SCAF8: variants seen among roughly 807,000 people sequenced by gnomAD.
SCAF8 encodes the protein SR-related and CTD-associated factor 8.
SCAF8 carries 23 observed loss-of-function variants against 140.5 expected under a neutral mutation model. That is an observed-to-expected ratio of 0.16 (90% CI 0.12 to 0.23). The LOEUF is 0.23. Ranked by LOEUF, SCAF8 falls within the 10% of genes least tolerant of loss-of-function variation. SCAF8 has a pLI of 1.00. For synonymous variants in SCAF8, 575 were observed against 528.9 expected, an observed-to-expected ratio of 1.09 and a Z score of -1.20; for missense variants, 1,397 against 1,555.7, an observed-to-expected ratio of 0.90 and a Z score of 1.72.
At chr6:154,787,830 C>A in intron 3 of SCAF8, 31 bp from the exon 4 acceptor site, 2 of 1,561,352 alleles carry the variant, frequency 1.3e-6, no homozygotes, top group Non-Finnish European at 8.7e-7. Context: ...TTTCCGTTTC[C>A]TTTCCTTTTC....
At chr6:154,812,292 CTTTTT>C (rs759236847) in intron 12 of SCAF8, among the ~76,000 whole-genome samples, 1 of 38,786 alleles carries the variant, frequency 2.6e-5, no homozygotes, top group Non-Finnish European at 4.8e-5. Context: ...TCTATGTCAG[CTTTTT>C]TTTTTTTTTT....
chr6:154,824,322 C>A lies in SCAF8; in HGVS notation c.2015C>A (p.Pro672Gln). ...SMPVPPPGFS[P>Q]IPPPPFLRAS... is the part of the protein sequence containing the mutation. ...CCGGTTCCTCCTCCTGGATTCAGTC[C>A]AATCCCTCCACCTCCTTTTTTAAGA... The change falls in exon 17 of 20, where the codon CCA (proline) becomes CAA (glutamine). Residue 672 changes from proline to glutamine, a missense_variant. Physicochemically the swap from Pro to Gln is moderately conservative, Grantham distance 76. Around this residue, in one of 5 missense-constraint regions of SCAF8, gnomAD observed 930 missense variants for 874.6 expected, o/e 1.06. Transcript: ENST00000367178. The A allele has an allele frequency of 6.2e-7, 1 of 1,613,860 alleles. No individual in the cohort carries two copies. The highest frequency in any genetic ancestry group is 8.5e-7 in the Non-Finnish European group (1 of 1,179,724).
chr6:154,755,611 T>C (rs1196093550), intron 1 of SCAF8, among the ~76,000 whole-genome samples: 1 of 152,212 alleles, frequency 6.6e-6, no homozygotes, highest in Admixed American at 6.5e-5. Context: ...TAAAAACCTT[T>C]CAGTTTCCCC....
chr6:154,745,478 G>C (rs1483385773), intron 1 of SCAF8, among the ~76,000 whole-genome samples: 1 of 152,058 alleles, frequency 6.6e-6, no homozygotes, highest in Non-Finnish European at 1.5e-5. Flanking sequence ...GGCTTAAGCA[G>C]TCCTTTGACA....
At chr6:154,733,992 C>G in intron 1 of SCAF8, 62 bp downstream of exon 1, 1 of 1,458,706 alleles carries the variant, frequency 6.9e-7, no homozygotes, top group Non-Finnish European at 9.0e-7. Context: ...TGGTCGAGGC[C>G]GGGGCCCGGA....
At chr6:154,772,876 C>T (rs1776811453) in intron 1 of SCAF8, among the ~76,000 whole-genome samples, 1 of 152,118 alleles carries the variant, frequency 6.6e-6, no homozygotes, top group Non-Finnish European at 1.5e-5. Context: ...TCTCCTGCCT[C>T]AGCCTCCCAA....
At position 154,832,994 on chromosome 6, in the gene SCAF8, C is replaced by T. The variant is rs540569342; in HGVS notation, c.3415C>T (p.Arg1139Ter). ...TGATCCTAGAAGTGGTCCTTGGAAC[C>T]GAGGATTTGGACAAGAAGTTCACAG... ...RFDPRSGPWN[R>*]GFGQEVHRDF... Residue 1139 changes from arginine (R) to a stop codon, truncating the protein, a stop_gained, in exon 20 of 20, where the codon CGA becomes TGA. Coordinates refer to ENST00000367178, the MANE Select transcript of SCAF8 (RefSeq NM_014892.5). LOFTEE classifies it high-confidence loss of function. The T allele has an allele frequency of 6.2e-7, 1 of 1,613,954 alleles. No individual in the cohort carries two copies. Among genetic ancestry groups the T allele is most frequent in the Admixed American group, 1.7e-5 (1 of 59,984 alleles).
chr6:154,735,616 C>G (rs753242247), intron 1 of SCAF8, among the ~76,000 whole-genome samples: 7 of 150,044 alleles, frequency 4.7e-5, no homozygotes, highest in African/African-American at 7.4e-5. Context: ...CGGTTTCAAG[C>G]GATTCTTCTG....
At chr6:154,795,554 A>T (rs187392837) in intron 6 of SCAF8, among the ~76,000 whole-genome samples, 94 of 152,214 alleles carry the variant, frequency 6.2e-4, no homozygotes, top group African/African-American at 2.2e-3. Flanking sequence ...GATTTGGGGG[A>T]AGGGGTCAGG....
Position 154,833,168 on chromosome 6 carries a change from G to T in SCAF8, c.3589G>T (p.Asp1197Tyr). ...WVPPPHARVFDYFEGATSQRK... is the reference protein window; with the variant it reads ...WVPPPHARVFYYFEGATSQRK... ...TCCCCCTCCTCATGCTCGGGTTTTT[G>T]ATTATTTTGAAGGGGCCACTTCTCA... The change falls in exon 20 of 20, where the codon GAT becomes TAT. Residue 1197 changes from aspartate to tyrosine, a missense_variant. This residue lies in a region of SCAF8 where 930 missense variants were observed against 874.6 expected (regional missense o/e 1.06). Transcript: ENST00000367178. The T allele has an allele frequency of 6.2e-7, 1 of 1,614,038 alleles. No homozygotes were observed. Among genetic ancestry groups the T allele is most frequent in the Non-Finnish European group, 8.5e-7 (1 of 1,179,984 alleles).
intron 4 of SCAF8, among the ~76,000 whole-genome samples, chr6:154,789,319 G>C (rs561478794): frequency 1.3e-5 from 2 of 151,884 alleles, no homozygotes; most frequent in East Asian, 1.9e-4. Flanking sequence ...TGCCATGTTG[G>C]GTAGGCTGGT....
chr6:154,775,214 T>TA (rs1053776723), intron 2 of SCAF8, among the ~76,000 whole-genome samples: 16 of 152,334 alleles, frequency 1.1e-4, no homozygotes, highest in African/African-American at 3.8e-4. Flanking sequence ...CATCAATAGT[T>TA]AAAATCAGTG....
chr6:154,823,194 C>T (rs996299369), intron 16 of SCAF8, among the ~76,000 whole-genome samples: 3 of 152,128 alleles, frequency 2.0e-5, no homozygotes, highest in African/African-American at 4.8e-5. Flanking sequence ...TTGGCTTTCA[C>T]TTGGAATGAG....
chr6:154,822,426 G>GT lies in SCAF8; in HGVS notation c.1926+17_1926+18insT. 6 of 1,574,350 alleles carry GT rather than the reference G, an allele frequency of 3.8e-6. No individual in the cohort carries two copies. Among genetic ancestry groups the GT allele is most frequent in the South Asian group, 3.6e-5 (3 of 82,856 alleles). On this transcript the variant is annotated intron_variant, in intron 16 of 19. Transcript: ENST00000367178. ...ATGTTGCAGGTTAGTGTTGAAGTGG[G>GT]GTTTTTTTTTTCTTGTGTTGTTTTA...
intron 14 of SCAF8, 90 bp from the exon 15 acceptor site, chr6:154,820,087 A>T: frequency 9.8e-7 from 1 of 1,024,640 alleles, no homozygotes; most frequent in Non-Finnish European, 1.4e-6. Flanking sequence ...TAATGTGTTT[A>T]CATTGTTTAA....
intron 4 of SCAF8, among the ~76,000 whole-genome samples, chr6:154,789,925 A>G (rs1423276816): frequency 2.0e-5 from 3 of 152,050 alleles, no homozygotes; most frequent in Non-Finnish European, 4.4e-5. Context: ...TAATGTACTA[A>G]TCTGAAATTT....
chr6:154,761,570 G>GC (rs1404032432), intron 1 of SCAF8, among the ~76,000 whole-genome samples: 1 of 152,150 alleles, frequency 6.6e-6, no homozygotes, highest in Non-Finnish European at 1.5e-5. Context: ...AAAGGGAGGA[G>GC]CTTTGGCTTT....
At chr6:154,788,806 AGCATAAAAAGGAGTT>A (rs1389643665) in intron 4 of SCAF8, among the ~76,000 whole-genome samples, 1 of 152,228 alleles carries the variant, frequency 6.6e-6, no homozygotes, top group African/African-American at 2.4e-5. Context: ...ATCATGAGCG[AGCATAAAAAGGAGTT>A]GCTTATCCTT....
chr6:154,756,400 C>T (rs1284027579), intron 1 of SCAF8, among the ~76,000 whole-genome samples: 1 of 152,172 alleles, frequency 6.6e-6, no homozygotes, highest in Non-Finnish European at 1.5e-5. Context: ...CCCGCTCTAC[C>T]TCAGTAGATT....
Sources: gnomAD v4.1 joint callset for allele counts (sites outside exome capture counted in the v4.1 genomes callset) on GRCh38, gnomAD v4.1.1 for gene constraint, gnomAD v4.1.1 regional missense constraint, MANE v1.5 for transcripts, NCBI Gene and HGNC (gene_info 2026-07-23, HGNC 2026-07-21) for gene names.